Variants in USO1 observed in about 807,000 individuals in gnomAD.
USO1 encodes the protein USO1 vesicle transport factor.
Under a neutral mutation model 124.5 loss-of-function variants are expected in USO1, and 57 were observed. That is an observed-to-expected ratio of 0.46 (90% CI 0.37 to 0.57). The LOEUF (loss-of-function observed/expected upper bound fraction) is 0.57, where lower values mean the gene tolerates loss of function less well. Among genes scored for constraint, USO1 ranks in the 20% least tolerant of loss-of-function variants. The pLI, the probability that USO1 is intolerant of heterozygous loss-of-function variation, is 0.00. For synonymous variants in USO1, 369 were observed against 362.8 expected, an observed-to-expected ratio of 1.02 and a Z score of -0.19; for missense variants, 900 against 1,040.6, an observed-to-expected ratio of 0.86 and a Z score of 1.86.
At chr4:75,802,323 T>C (rs1317906745) in intron 17 of USO1, among the ~76,000 whole-genome samples, 4 of 152,132 alleles carry the variant, frequency 2.6e-5, no homozygotes, top group African/African-American at 9.7e-5. Context: ...GTTGCTAAAA[T>C]GTAATAATAT....
intron 4 of USO1, among the ~76,000 whole-genome samples, chr4:75,768,270 C>A (rs1242920607): frequency 1.3e-5 from 2 of 152,210 alleles, no homozygotes; most frequent in Non-Finnish European, 2.9e-5. Context: ...GCCTCAGCCT[C>A]CCAAAATGCT....
intron 8 of USO1, among the ~76,000 whole-genome samples, chr4:75,778,495 G>A (rs2149172865): frequency 6.6e-6 from 1 of 152,176 alleles, no homozygotes; most frequent in East Asian, 1.9e-4. Flanking sequence ...ATATATAAGT[G>A]GACCCACGCA....
At chr4:75,778,958 T>C (rs892007113) in intron 8 of USO1, among the ~76,000 whole-genome samples, 2 of 152,192 alleles carry the variant, frequency 1.3e-5, no homozygotes, top group Admixed American at 6.5e-5. Context: ...AATAAGTCTG[T>C]TGACTCCATT....
intron 1 of USO1, among the ~76,000 whole-genome samples, chr4:75,747,985 G>T (rs1051466950): frequency 3.8e-5 from 5 of 130,458 alleles, no homozygotes; most frequent in African/African-American, 1.4e-4. Context: ...TCGGCTCACC[G>T]CAACCTCCGC....
At chr4:75,727,396 A>G (rs1427086253) in intron 1 of USO1, among the ~76,000 whole-genome samples, 1 of 152,204 alleles carries the variant, frequency 6.6e-6, no homozygotes, top group Admixed American at 6.5e-5. Context: ...GAGTATGTAC[A>G]TTTAAAATTG....
chr4:75,738,744 G>C (rs1720867300), intron 1 of USO1, among the ~76,000 whole-genome samples: 1 of 152,094 alleles, frequency 6.6e-6, no homozygotes, highest in Admixed American at 6.6e-5. Context: ...GGTCCCCAAA[G>C]TGTTGGGATT....
intron 9 of USO1, among the ~76,000 whole-genome samples, chr4:75,783,614 G>A (rs912496844): frequency 4.6e-5 from 7 of 152,040 alleles, no homozygotes; most frequent in Non-Finnish European, 8.8e-5. Context: ...TGTGTTTCTC[G>A]GAAGTTGTGG....
intron 1 of USO1, chr4:75,729,893 A>C (rs1247585276): frequency 2.6e-6 from 1 of 379,102 alleles, no homozygotes; most frequent in Non-Finnish European, 5.1e-6. Flanking sequence ...CTTTTAATAA[A>C]AATTGTTATT....
At chr4:75,749,926 T>C (rs1721256647) in intron 1 of USO1, among the ~76,000 whole-genome samples, 1 of 151,986 alleles carries the variant, frequency 6.6e-6, no homozygotes, top group Non-Finnish European at 1.5e-5. Context: ...TAATTTTTAT[T>C]GCATTTTTAG....
intron 4 of USO1, among the ~76,000 whole-genome samples, chr4:75,765,510 A>G (rs904240369): frequency 6.6e-6 from 1 of 152,126 alleles, no homozygotes; most frequent in African/African-American, 2.4e-5. Flanking sequence ...CTTTCAAAAG[A>G]TTCTACCAGC....
At chr4:75,744,935 G>C in intron 1 of USO1, 1 of 505,438 alleles carries the variant, frequency 2.0e-6, no homozygotes, top group Non-Finnish European at 4.0e-6. Flanking sequence ...TCTAGAAGTT[G>C]AATTCCAAAC....
At chr4:75,739,169 T>C (rs1191704951) in intron 1 of USO1, among the ~76,000 whole-genome samples, 1 of 152,226 alleles carries the variant, frequency 6.6e-6, no homozygotes, top group Non-Finnish European at 1.5e-5. Context: ...TTTAAAGTGT[T>C]GTAAATTTTG....
Position 75,774,668 on chromosome 4 carries a change from C to T in USO1, c.556-8C>T, listed in dbSNP as rs376073149. 22 of 1,594,790 alleles carry T rather than the reference C, an allele frequency of 1.4e-5. No individual in the cohort carries two copies. Among genetic ancestry groups the T allele is most frequent in the Non-Finnish European group, 1.7e-5 (20 of 1,173,274 alleles). Reference sequence around the variant, plus strand: ...TACTCCACTAAACATTCTCTTTCTTCTCTATAGGGCGTCTTACTACTGCAG... The same window carrying T: ...TACTCCACTAAACATTCTCTTTCTTTTCTATAGGGCGTCTTACTACTGCAG... On this transcript the variant is annotated splice_region_variant and splice_polypyrimidine_tract_variant and intron_variant, in intron 7 of 23. Coordinates refer to ENST00000514213, the MANE Select transcript of USO1 (RefSeq NM_003715.4).
intron 4 of USO1, 114 bp from the exon 5 acceptor site, chr4:75,770,325 C>G (rs1352650411): frequency 2.2e-6 from 2 of 923,034 alleles, no homozygotes; most frequent in East Asian, 2.8e-5. Context: ...CCACACTGTT[C>G]CAGTGTTGAA....
At chr4:75,748,549 G>C (rs1029806540) in intron 1 of USO1, among the ~76,000 whole-genome samples, 2 of 152,060 alleles carry the variant, frequency 1.3e-5, no homozygotes, top group Non-Finnish European at 2.9e-5. Context: ...TTATATTTCT[G>C]CGTTTAGCAA....
chr4:75,784,416 A>G (rs1412877315), intron 9 of USO1, among the ~76,000 whole-genome samples: 2 of 152,226 alleles, frequency 1.3e-5, no homozygotes, highest in Non-Finnish European at 2.9e-5. Flanking sequence ...AAAAGCATGT[A>G]TTTCGTATCA....
rs1722260112 is a variant in USO1, at chr4:75,782,861, A to AT, written c.855+4dup. The AT allele has an allele frequency of 6.4e-7, 1 of 1,571,922 alleles. No individual in the cohort carries two copies. Among genetic ancestry groups the AT allele is most frequent in the African/African-American group, 1.4e-5 (1 of 71,622 alleles). The stretch of plus-strand genomic sequence containing the variant: ...CCAATCTACATCTAATGCTACAGGT[A>AT]TACTATCCTTAGACATAAATGTGGT... On this transcript the variant is annotated splice_donor_region_variant and intron_variant, in intron 9 of 23. Coordinates refer to ENST00000514213, the MANE Select transcript of USO1 (RefSeq NM_003715.4).
intron 1 of USO1, among the ~76,000 whole-genome samples, chr4:75,729,744 C>T (rs1720576091): frequency 6.6e-6 from 1 of 152,060 alleles, no homozygotes; most frequent in Non-Finnish European, 1.5e-5. Context: ...TCAAGTTGGA[C>T]CCCGAGACAT....
chr4:75,775,254 C>T (rs2149170817), intron 8 of USO1, among the ~76,000 whole-genome samples: 1 of 152,064 alleles, frequency 6.6e-6, no homozygotes, highest in African/African-American at 2.4e-5. Flanking sequence ...TGATACGAAC[C>T]CCAGCTGGGC....
Sources: gnomAD v4.1 joint callset for allele counts (sites outside exome capture counted in the v4.1 genomes callset) on GRCh38, gnomAD v4.1.1 for gene constraint, MANE v1.5 for transcripts, NCBI Gene and HGNC (gene_info 2026-07-23, HGNC 2026-07-21) for gene names.